The following C8orf34 variants were observed in gnomAD, a reference collection of about 807,000 sequenced individuals.
C8orf34 encodes uncharacterized protein C8orf34.
A neutral mutation model predicts 68.3 loss-of-function variants in C8orf34; 65 were observed. The observed-to-expected ratio is 0.95, with a 90% CI of 0.78 to 1.17. The LOEUF (loss-of-function observed/expected upper bound fraction) is 1.17. C8orf34 is among the 50% of genes most tolerant of loss of function. The pLI, the probability that C8orf34 is intolerant of heterozygous loss-of-function variation, is 0.00. For missense variants in C8orf34, 664 were observed against 655.4 expected, an observed-to-expected ratio of 1.01 and a Z score of -0.14; for synonymous variants, 244 against 241.2, an observed-to-expected ratio of 1.01 and a Z score of -0.11.
rs1320318254 is a variant in C8orf34 at position 68,521,797 on chromosome 8, A to G, written c.766-2A>G. 3.1e-6 allele frequency: 5 copies of G among 1,610,222 alleles called. No individual in the cohort carries two copies. The highest frequency in any genetic ancestry group is 4.2e-6 in the Non-Finnish European group (5 of 1,178,038). ...GACAGCATATTCTTTTCTTCTCTTC[A>G]GGAAACAGTGACATTTAATTCTTCT... On this transcript the variant is annotated splice_acceptor_variant, in intron 5 of 13. Transcript: ENST00000518698. LOFTEE classifies it high-confidence loss of function.
intron 10 of C8orf34, among the ~76,000 whole-genome samples, chr8:68,767,892 T>A (rs1331668151): frequency 6.6e-6 from 1 of 152,240 alleles, no homozygotes; most frequent in Non-Finnish European, 1.5e-5. Context: ...TATTTGATGA[T>A]ATTCTATCCT....
intron 8 of C8orf34, among the ~76,000 whole-genome samples, chr8:68,663,646 T>C (rs1201853885): frequency 6.6e-6 from 1 of 152,160 alleles, no homozygotes; most frequent in Non-Finnish European, 1.5e-5. Context: ...TTGTTTGAAA[T>C]CAGGATACTT....
intron 10 of C8orf34, among the ~76,000 whole-genome samples, chr8:68,742,200 GCTGC>G (rs1398419980): frequency 6.6e-6 from 1 of 151,968 alleles, no homozygotes; most frequent in Admixed American, 6.6e-5. Context: ...CCTCCTTATG[GCTGC>G]CTTATCCGGC....
chr8:68,628,957 C>A (rs974645438), intron 7 of C8orf34, among the ~76,000 whole-genome samples: 1 of 152,026 alleles, frequency 6.6e-6, no homozygotes, highest in Non-Finnish European at 1.5e-5. Context: ...TAAATTGGTT[C>A]ATTTTCCTCA....
chr8:68,606,129 C>T (rs146005993), intron 7 of C8orf34, among the ~76,000 whole-genome samples: 184 of 152,114 alleles, frequency 1.2e-3, no homozygotes, highest in African/African-American at 1.4e-3. Flanking sequence ...TGCAATATGA[C>T]GCATAAATGA....
intron 12 of C8orf34, 82 bp downstream of exon 12, chr8:68,787,618 T>C: frequency 2.1e-6 from 2 of 949,388 alleles, no homozygotes; most frequent in South Asian, 1.9e-5. Flanking sequence ...TTCATAGCAA[T>C]AAACAACTTC....
chr8:68,779,180 AACACACACACACAC>A (rs10550333), intron 11 of C8orf34, among the ~76,000 whole-genome samples: 4,217 of 139,138 alleles, frequency 0.03, 158 homozygotes, highest in African/African-American at 0.078. Context: ...CTGTCTCTGA[AACACACACACACAC>A]ACACACACAC....
intron 11 of C8orf34, among the ~76,000 whole-genome samples, chr8:68,778,749 T>C (rs1288108086): frequency 2.6e-5 from 4 of 152,208 alleles, no homozygotes; most frequent in Admixed American, 2.0e-4. Flanking sequence ...TAATTTTACA[T>C]CACAGAAATC....
chr8:68,370,837 C>T (rs183132414), intron 1 of C8orf34, among the ~76,000 whole-genome samples: 94 of 152,234 alleles, frequency 6.2e-4, no homozygotes, highest in Admixed American at 2.7e-3. Context: ...GTCTAACATC[C>T]TTAGAATCCA....
At chr8:68,592,896 C>T (rs927535814) in intron 7 of C8orf34, among the ~76,000 whole-genome samples, 1 of 151,940 alleles carries the variant, frequency 6.6e-6, no homozygotes, top group Non-Finnish European at 1.5e-5. Flanking sequence ...CTTTTTTAAT[C>T]CTTCCATCTT....
At position 68,709,021 on chromosome 8, in the gene C8orf34, G is replaced by A. The variant is rs763354956; in HGVS notation, c.1269G>A (p.Arg423=). Residue 423 remains arginine (R), a synonymous_variant, in exon 9 of 14, where the codon AGG becomes AGA. Coordinates refer to ENST00000518698, the MANE Select transcript of C8orf34 (RefSeq NM_052958.4). ...ARLQGDNLEE[R]TEESLPILHS... is the part of the protein sequence containing the mutation. Reference sequence around the variant, plus strand: ...TTCAAGGAGACAACCTGGAAGAAAGGACAGAAGAGTCACTACCAATACTCC... The same window carrying A: ...TTCAAGGAGACAACCTGGAAGAAAGAACAGAAGAGTCACTACCAATACTCC... The A allele has an allele frequency of 3.1e-6, 5 of 1,604,892 alleles. No individual in the cohort carries two copies. The highest frequency in any genetic ancestry group is 2.7e-5 in the African/African-American group (2 of 74,312).
At chr8:68,541,099 C>T (rs1375847670) in intron 7 of C8orf34, among the ~76,000 whole-genome samples, 2 of 151,986 alleles carry the variant, frequency 1.3e-5, no homozygotes, top group Non-Finnish European at 2.9e-5. Context: ...AATAACAATA[C>T]TCATATCTTA....
chr8:68,478,249 CTAG>C (rs1179892002), intron 4 of C8orf34, among the ~76,000 whole-genome samples: 1 of 151,848 alleles, frequency 6.6e-6, no homozygotes, highest in Non-Finnish European at 1.5e-5. Context: ...CAGATCTGCC[CTAG>C]AGATGCCATC....
chr8:68,487,510 C>T (rs184016387), intron 4 of C8orf34, among the ~76,000 whole-genome samples: 2 of 152,222 alleles, frequency 1.3e-5, no homozygotes, highest in African/African-American at 4.8e-5. Context: ...CGCATTGGCT[C>T]GAGGAGCTGT....
intron 10 of C8orf34, among the ~76,000 whole-genome samples, chr8:68,726,659 A>T (rs1332520271): frequency 6.6e-6 from 1 of 152,116 alleles, no homozygotes; most frequent in Non-Finnish European, 1.5e-5. Context: ...GTTTAATTGG[A>T]CTTACAGCTC....
At chr8:68,507,824 T>G (rs961411392) in intron 5 of C8orf34, among the ~76,000 whole-genome samples, 2 of 152,226 alleles carry the variant, frequency 1.3e-5, no homozygotes, top group African/African-American at 4.8e-5. Context: ...TATAGTTTGA[T>G]TCCTCTCTTC....
intron 1 of C8orf34, among the ~76,000 whole-genome samples, chr8:68,367,881 C>A: frequency 1.3e-5 from 1 of 79,400 alleles, no homozygotes; most frequent in Non-Finnish European, 2.4e-5. Flanking sequence ...CACATGTACC[C>A]TAAAACCTAA....
intron 5 of C8orf34, among the ~76,000 whole-genome samples, chr8:68,511,453 T>G (rs1814272873): frequency 6.6e-6 from 1 of 151,964 alleles, no homozygotes; most frequent in African/African-American, 2.4e-5. Flanking sequence ...GGAAGGACAG[T>G]TACAGAACAG....
intron 7 of C8orf34, among the ~76,000 whole-genome samples, chr8:68,577,330 G>T (rs1816934842): frequency 6.6e-6 from 1 of 151,956 alleles, no homozygotes; most frequent in South Asian, 2.1e-4. Flanking sequence ...TTTAGACATA[G>T]ACTGTTATCA....
Sources: allele counts gnomAD v4.1 joint callset (sites outside exome capture counted in the v4.1 genomes callset), GRCh38; gene constraint gnomAD v4.1.1; transcripts MANE v1.5; gene names NCBI Gene and HGNC (gene_info 2026-07-23, HGNC 2026-07-21).